R3HDM1: variants seen among roughly 807,000 people sequenced by gnomAD.
R3HDM1 encodes the protein R3H domain containing 1, also known as R3H domain-containing protein 1.
R3HDM1 carries 46 observed loss-of-function variants against 141.1 expected under a neutral mutation model. The observed-to-expected ratio is 0.33, with a 90% CI of 0.26 to 0.42. The LOEUF (loss-of-function observed/expected upper bound fraction) is 0.42, where lower values mean the gene tolerates loss of function less well. Ranked by LOEUF, R3HDM1 falls within the 10% of genes least tolerant of loss-of-function variation. The probability of loss-of-function intolerance (pLI) is 1.00; values close to 1 mark genes in which losing one functional copy is unlikely to be tolerated. For synonymous variants in R3HDM1, 435 were observed against 472.9 expected (o/e 0.92, Z 1.04); for missense variants, 1,184 against 1,368.3 (o/e 0.87, Z 2.12).
At chr2:135,632,125 TTATGTGA>T in intron 9 of R3HDM1, 124 bp downstream of exon 9, 2 of 847,578 alleles carry the variant, frequency 2.4e-6, no homozygotes, top group Non-Finnish European at 3.3e-6. Context: ...TATGATAACC[TTATGTGA>T]TAGGACTGAA....
At chr2:135,643,602 A>G (rs2064042409) in intron 15 of R3HDM1, among the ~76,000 whole-genome samples, 1 of 152,188 alleles carries the variant, frequency 6.6e-6, no homozygotes, top group African/African-American at 2.4e-5. Context: ...GTAAAGAAAA[A>G]TACTAATCTT....
intron 18 of R3HDM1, among the ~76,000 whole-genome samples, chr2:135,655,529 T>C (rs13394807): frequency 0.031 from 4,688 of 151,854 alleles, 210 homozygotes; most frequent in African/African-American, 0.098. Context: ...GTTTTTGAGA[T>C]GGAGTCTTGC....
At chr2:135,549,561 CA>C (rs1236257586) in intron 1 of R3HDM1, among the ~76,000 whole-genome samples, 108 of 67,452 alleles carry the variant, frequency 1.6e-3, no homozygotes, top group South Asian at 5.1e-3. Flanking sequence ...AACTCTGCCT[CA>C]AAAAAAAAAA....
intron 1 of R3HDM1, among the ~76,000 whole-genome samples, chr2:135,551,709 A>C (rs569358653): frequency 2.2e-4 from 34 of 152,280 alleles, no homozygotes; most frequent in Non-Finnish European, 3.8e-4. Context: ...TTTCAAATGG[A>C]ATTCCTAGAG....
At chr2:135,662,203 A>G (rs570627888) in intron 19 of R3HDM1, among the ~76,000 whole-genome samples, 2 of 152,334 alleles carry the variant, frequency 1.3e-5, no homozygotes, top group East Asian at 3.9e-4. Context: ...TTAACTGCTT[A>G]TCACTATTGG....
chr2:135,614,932 AAC>A (rs1424423032), intron 3 of R3HDM1, among the ~76,000 whole-genome samples: 1 of 152,104 alleles, frequency 6.6e-6, no homozygotes, highest in Non-Finnish European at 1.5e-5. Context: ...AATCCTCTTG[AAC>A]AAGTTAGAGA....
rs1329434523 is a variant in R3HDM1 at position 135,622,256 on chromosome 2, T to C, written c.419-398T>C. The C allele has an allele frequency of 3.1e-6, 3 of 983,216 alleles. No homozygotes were observed. The African/African-American group carries it at 5.2e-5, about 17-fold the overall frequency. 60.9% of individuals were successfully genotyped at this position (983,216 alleles called of 1,614,324 possible). ...CAAATTATTGCCTCCATTATATTCA[T>C]ATCTGAACTAAGCTGTCTTAATTTG... is the stretch of plus-strand genomic sequence containing the variant. On this transcript the variant is annotated intron_variant, in intron 6 of 26. Coordinates refer to ENST00000683871, the MANE Select transcript of R3HDM1 (RefSeq NM_001378107.1).
intron 19 of R3HDM1, among the ~76,000 whole-genome samples, chr2:135,668,347 T>C (rs1017319587): frequency 1.3e-5 from 2 of 152,262 alleles, no homozygotes; most frequent in African/African-American, 4.8e-5. Flanking sequence ...TTCTGCTCTT[T>C]AGAGAATATA....
At chr2:135,537,673 TTTACTTA>T (rs889940235) in intron 1 of R3HDM1, among the ~76,000 whole-genome samples, 17 of 143,184 alleles carry the variant, frequency 1.2e-4, no homozygotes, top group Non-Finnish European at 1.8e-4. Context: ...TTTATTTTAT[TTTACTTA>T]GAGTCTCACT....
intron 20 of R3HDM1, among the ~76,000 whole-genome samples, chr2:135,679,964 C>A (rs903813501): frequency 1.3e-5 from 2 of 152,262 alleles, no homozygotes. Flanking sequence ...CCTGTAGTCC[C>A]AGCTACTCAG....
chr2:135,596,262 T>G (rs2059177863), intron 1 of R3HDM1, among the ~76,000 whole-genome samples: 1 of 152,186 alleles, frequency 6.6e-6, no homozygotes. Context: ...CCTCCCAAAG[T>G]GCTGGGATTA....
intron 1 of R3HDM1, among the ~76,000 whole-genome samples, chr2:135,601,243 A>C (rs2059599130): frequency 6.6e-6 from 1 of 152,218 alleles, no homozygotes; most frequent in African/African-American, 2.4e-5. Context: ...GATTGAGATG[A>C]CACGGTATCA....
At chr2:135,669,896 C>T (rs2068068894) in intron 19 of R3HDM1, among the ~76,000 whole-genome samples, 2 of 151,988 alleles carry the variant, frequency 1.3e-5, no homozygotes, top group South Asian at 2.1e-4. Context: ...CCCAGCACTT[C>T]GGGAGACTGA....
chr2:135,685,589 C>A (rs2071195896), intron 21 of R3HDM1, among the ~76,000 whole-genome samples: 1 of 152,066 alleles, frequency 6.6e-6, no homozygotes, highest in Non-Finnish European at 1.5e-5. Context: ...ATTGGTTAGT[C>A]TTCTGCTGTT....
intron 7 of R3HDM1, among the ~76,000 whole-genome samples, chr2:135,624,953 T>C (rs2061861807): frequency 6.6e-6 from 1 of 152,160 alleles, no homozygotes. Context: ...CAGGGCCTGG[T>C]GGCATGTGCT....
intron 21 of R3HDM1, 67 bp from the exon 22 acceptor site, chr2:135,709,366 C>A: frequency 6.3e-7 from 1 of 1,596,544 alleles, no homozygotes; most frequent in Non-Finnish European, 8.5e-7. Flanking sequence ...AGCACCGCGC[C>A]CAGCCCATTC....
At chr2:135,677,314 C>T (rs183342494) in intron 20 of R3HDM1, among the ~76,000 whole-genome samples, 29 of 152,264 alleles carry the variant, frequency 1.9e-4, no homozygotes, top group African/African-American at 5.8e-4. Flanking sequence ...TCTCACATCC[C>T]CCATGCTTCT....
At chr2:135,715,032 G>A (rs2076027186) in intron 23 of R3HDM1, among the ~76,000 whole-genome samples, 1 of 152,176 alleles carries the variant, frequency 6.6e-6, no homozygotes, top group African/African-American at 2.4e-5. Context: ...TGTGAAAAAT[G>A]GATGTATGAA....
chr2:135,715,627 T>C lies in R3HDM1; in HGVS notation c.2814T>C (p.Thr938=), dbSNP rs772140053. The C allele has an allele frequency of 4.3e-6, 7 of 1,614,034 alleles. No individual in the cohort carries two copies. Among genetic ancestry groups the C allele is most frequent in the African/African-American group, 1.3e-5 (1 of 75,050 alleles). Reference sequence around the variant, plus strand: ...CAGCTCAGCTGTCCACCCTGAAAACTGTACGTCCCTCTGGACCACCACTTT... The same window carrying C: ...CAGCTCAGCTGTCCACCCTGAAAACCGTACGTCCCTCTGGACCACCACTTT... The part of the protein sequence containing the change: ...PAPAQLSTLK[T]VRPSGPPLSI... The change falls in exon 24 of 27, where the codon ACT becomes ACC. Residue 938 remains threonine, a synonymous_variant. Transcript: ENST00000683871.
Sources: gnomAD v4.1 joint callset for allele counts (sites outside exome capture counted in the v4.1 genomes callset) on GRCh38, gnomAD v4.1.1 for gene constraint, MANE v1.5 for transcripts, NCBI Gene and HGNC (gene_info 2026-07-23, HGNC 2026-07-21) for gene names.